SH3KBP1: variants seen among roughly 807,000 people sequenced by gnomAD.
The protein encoded by SH3KBP1 is SH3 domain-containing kinase-binding protein 1.
In SH3KBP1, 8 loss-of-function variants were observed where a neutral mutation model predicts 50.1. That is an observed-to-expected ratio of 0.16 (90% CI 0.09 to 0.29). The LOEUF (loss-of-function observed/expected upper bound fraction) is 0.29, where lower values mean the gene tolerates loss of function less well. Among genes scored for constraint, SH3KBP1 ranks in the 10% least tolerant of loss-of-function variants. SH3KBP1 has a pLI of 1.00. For missense variants in SH3KBP1, 377 were observed against 535.2 expected (o/e 0.70, Z 2.92); for synonymous variants, 227 against 218.6 (o/e 1.04, Z -0.34).
chrX:19,749,688 T>C (rs968367151), intron 2 of SH3KBP1, among the ~76,000 whole-genome samples: 1 of 112,663 alleles, frequency 8.9e-6, no homozygotes, highest in Non-Finnish European at 1.9e-5. Context: ...TACTGTTTGA[T>C]AGTTAAAGGG....
At chrX:19,831,350 A>G (rs1292329028) in intron 2 of SH3KBP1, among the ~76,000 whole-genome samples, 1 of 104,558 alleles carries the variant, frequency 9.6e-6, no homozygotes, top group Admixed American at 1.0e-4. Flanking sequence ...CTAGATCGAC[A>G]CTACAGTAAG....
chrX:19,713,573 ATTCTT>A (rs2063830410), intron 3 of SH3KBP1, among the ~76,000 whole-genome samples: 1 of 110,863 alleles, frequency 9.0e-6, no homozygotes, highest in African/African-American at 3.3e-5. Context: ...AAAAAAAAAA[ATTCTT>A]ATTCATATAT....
intron 1 of SH3KBP1, among the ~76,000 whole-genome samples, chrX:19,840,090 AT>A (rs2068180031): frequency 9.0e-6 from 1 of 111,730 alleles, no homozygotes; most frequent in African/African-American, 3.3e-5. Context: ...GTCAAGATGA[AT>A]TTTTTTTACA....
chrX:19,660,156 T>C (rs2062412215), intron 6 of SH3KBP1, among the ~76,000 whole-genome samples: 1 of 112,569 alleles, frequency 8.9e-6, no homozygotes, highest in Admixed American at 9.4e-5. Context: ...CTTACAGTTA[T>C]GCAATCTTGT....
At chrX:19,620,157 G>A (rs751501396) in intron 8 of SH3KBP1, among the ~76,000 whole-genome samples, 3 of 112,246 alleles carry the variant, frequency 2.7e-5, no homozygotes, top group Non-Finnish European at 5.6e-5. Flanking sequence ...AGACAGTAGC[G>A]TTCATAAAGC....
chrX:19,683,974 T>C lies in SH3KBP1; in HGVS notation c.575A>G (p.Lys192Arg). The C allele has an allele frequency of 8.3e-7, 1 of 1,211,199 alleles. No homozygotes were observed. Among genetic ancestry groups the C allele is most frequent in the Non-Finnish European group, 1.1e-6 (1 of 895,188 alleles). The part of the protein sequence containing the change: ...ESDGGDSSST[K>R]SEGANGTVAT... ...CACTGTCCCGTTGGCACCTTCAGAC[T>C]TGGTGCTGCTTGAGTCACCCCCATC... The change falls in exon 6 of 18, where the codon AAG (lysine) becomes AGG (arginine). Residue 192 changes from lysine (K) to arginine (R), a missense_variant. By Grantham distance (26) the Lys-to-Arg change is conservative. Coordinates refer to ENST00000397821, the MANE Select transcript of SH3KBP1 (RefSeq NM_031892.3).
intron 8 of SH3KBP1, among the ~76,000 whole-genome samples, 168 bp downstream of exon 8, chrX:19,631,696 C>T (rs1264909446): frequency 8.9e-6 from 1 of 112,482 alleles, no homozygotes; most frequent in Non-Finnish European, 1.9e-5. Flanking sequence ...AATGCATTCA[C>T]TTGGATGCTG....
chrX:19,778,961 T>C (rs1258938260), intron 2 of SH3KBP1, among the ~76,000 whole-genome samples: 1 of 109,677 alleles, frequency 9.1e-6, no homozygotes, highest in African/African-American at 3.3e-5. Context: ...TCATTCATTA[T>C]TTGCTCATTC....
At chrX:19,807,358 C>T (rs1318728319) in intron 2 of SH3KBP1, among the ~76,000 whole-genome samples, 1 of 112,013 alleles carries the variant, frequency 8.9e-6, no homozygotes, top group Non-Finnish European at 1.9e-5. Flanking sequence ...ATGCCCATAG[C>T]GTTTTTACCT....
chrX:19,671,541 C>A (rs2062796139), intron 6 of SH3KBP1, among the ~76,000 whole-genome samples: 1 of 111,737 alleles, frequency 8.9e-6, no homozygotes, highest in Non-Finnish European at 1.9e-5. Context: ...CAATTTTGTT[C>A]TTTCCCCCAA....
At chrX:19,553,083 T>C (rs2065289846) in intron 13 of SH3KBP1, among the ~76,000 whole-genome samples, 1 of 110,789 alleles carries the variant, frequency 9.0e-6, no homozygotes, top group Non-Finnish European at 1.9e-5. Context: ...TGGTGACAGG[T>C]CAGACACACT....
At chrX:19,538,241 A>G (rs754191470) in intron 16 of SH3KBP1, among the ~76,000 whole-genome samples, 199 of 112,162 alleles carry the variant, frequency 1.8e-3, no homozygotes, top group Non-Finnish European at 1.9e-3. Flanking sequence ...GGCTTGCTCT[A>G]TTGTTCAGGC....
chrX:19,822,028 C>T (rs1299535770), intron 2 of SH3KBP1, among the ~76,000 whole-genome samples: 1 of 112,530 alleles, frequency 8.9e-6, no homozygotes, highest in African/African-American at 3.2e-5. Flanking sequence ...CATTATTTTA[C>T]AGGAGAAATT....
At position 19,586,524 on chromosome X, in the gene SH3KBP1, C is replaced by T. The variant is rs191858661; in HGVS notation, c.1298+2119G>A. Among the ~76,000 whole-genome samples the T allele has an allele frequency of 3.7e-3, 412 of 112,154 alleles. 3 individuals carry two copies. The highest frequency in any genetic ancestry group is 0.012 in the African/African-American group (383 of 30,809). ...TATACTAGCTTCTGGGCTGACCACA[C>T]CACTGAAATGATCCTTGCTAAGGTC... On this transcript the variant is annotated intron_variant, in intron 12 of 17. Transcript: ENST00000397821.
At chrX:19,776,845 C>T (rs905492012) in intron 2 of SH3KBP1, among the ~76,000 whole-genome samples, 4 of 110,614 alleles carry the variant, frequency 3.6e-5, no homozygotes, top group African/African-American at 9.9e-5. Flanking sequence ...TGAGCCACTG[C>T]ACCCAGCTGA....
chrX:19,719,320 C>T (rs1363048990), intron 3 of SH3KBP1, among the ~76,000 whole-genome samples: 1 of 111,038 alleles, frequency 9.0e-6, no homozygotes, highest in Non-Finnish European at 1.9e-5. Flanking sequence ...AGAAAATCCC[C>T]GATCCAGGCC....
At chrX:19,648,518 C>T (rs1056103885) in intron 6 of SH3KBP1, among the ~76,000 whole-genome samples, 1 of 110,864 alleles carries the variant, frequency 9.0e-6, no homozygotes, top group Non-Finnish European at 1.9e-5. Flanking sequence ...TGAACCAAAA[C>T]TGGAAGGCTG....
intron 2 of SH3KBP1, among the ~76,000 whole-genome samples, chrX:19,764,690 A>G (rs1347157659): frequency 9.0e-6 from 1 of 111,608 alleles, no homozygotes. Flanking sequence ...AGCCACAATT[A>G]CTAAGTGCCT....
intron 9 of SH3KBP1, among the ~76,000 whole-genome samples, chrX:19,603,256 CTT>C (rs771020544): frequency 8.9e-6 from 1 of 112,374 alleles, no homozygotes; most frequent in East Asian, 2.8e-4. Flanking sequence ...ACAAACTCCT[CTT>C]GTTTTGATTC....
Sources: allele counts gnomAD v4.1 joint callset (sites outside exome capture counted in the v4.1 genomes callset), GRCh38; gene constraint gnomAD v4.1.1; transcripts MANE v1.5; gene names NCBI Gene and HGNC (gene_info 2026-07-23, HGNC 2026-07-21).